The following DHX36 variants were observed in gnomAD, a reference collection of about 807,000 sequenced individuals.
The protein encoded by DHX36 is ATP-dependent DNA/RNA helicase DHX36.
Under a neutral mutation model 139.0 loss-of-function variants are expected in DHX36, and 50 were observed. The observed-to-expected ratio is 0.36, with a 90% CI of 0.29 to 0.46. The LOEUF is 0.46. Ranked by LOEUF, DHX36 falls within the 20% of genes least tolerant of loss-of-function variation. DHX36 has a pLI of 1.00. For missense variants in DHX36, 1,024 were observed against 1,211.3 expected, an observed-to-expected ratio of 0.85 and a Z score of 2.29; for synonymous variants, 425 against 401.9, an observed-to-expected ratio of 1.06 and a Z score of -0.69.
intron 1 of DHX36, among the ~76,000 whole-genome samples, chr3:154,320,062 T>C (rs1713131927): frequency 6.6e-6 from 1 of 152,194 alleles, no homozygotes; most frequent in African/African-American, 2.4e-5. Flanking sequence ...ATCAACGACC[T>C]TGTTGATAAA....
chr3:154,292,095 G>C (rs1711843918), intron 15 of DHX36, among the ~76,000 whole-genome samples: 1 of 152,070 alleles, frequency 6.6e-6, no homozygotes, highest in South Asian at 2.1e-4. Flanking sequence ...AGAAAGCTAT[G>C]GGACTTTGGA....
chr3:154,295,360 A>T (rs751202602), intron 12 of DHX36, 21 bp from the exon 13 acceptor site: 6 of 1,357,806 alleles, frequency 4.4e-6, no homozygotes, highest in Non-Finnish European at 6.1e-6. Context: ...AAGAGAATTA[A>T]ATTTTAAGAT....
intron 22 of DHX36, chr3:154,279,371 A>G (rs1719260595): frequency 6.6e-6 from 1 of 152,198 alleles, no homozygotes; most frequent in South Asian, 2.1e-4. Flanking sequence ...AAAGAAAACT[A>G]CATTTTTTCA....
At position 154,315,072 on chromosome 3, in the gene DHX36, T is replaced by G; in HGVS notation, c.577A>C (p.Asn193His). The G allele has an allele frequency of 6.2e-7, 1 of 1,607,140 alleles. No individual in the cohort carries two copies. The highest frequency in any genetic ancestry group is 8.5e-7 in the Non-Finnish European group (1 of 1,177,542). Residue 193 changes from asparagine to histidine, a missense_variant, in exon 3 of 25, where the codon AAT becomes CAT. Asn to His is a moderately conservative substitution (Grantham distance 68). This residue lies in a region of DHX36 where 293 missense variants were observed against 274.4 expected (regional missense o/e 1.07). Coordinates refer to ENST00000496811, the MANE Select transcript of DHX36 (RefSeq NM_020865.3). ...KLLEDLQKKK[N>H]DLRYIEMQHF... ...TGCATTTCAATATACCGAAGGTCATTTTTTTTCTTTTGTAAATCTTCCAAT... is the reference window on the plus strand; with the variant it reads ...TGCATTTCAATATACCGAAGGTCATGTTTTTTCTTTTGTAAATCTTCCAAT...
intron 8 of DHX36, 95 bp from the exon 9 acceptor site, chr3:154,303,505 T>A: frequency 1.1e-6 from 1 of 885,888 alleles, no homozygotes; most frequent in South Asian, 2.1e-5. Flanking sequence ...TTACTTACTA[T>A]TAATTCCAGA....
intron 17 of DHX36, among the ~76,000 whole-genome samples, chr3:154,287,100 A>T (rs1157335609): frequency 6.6e-6 from 1 of 152,186 alleles, no homozygotes; most frequent in African/African-American, 2.4e-5. Flanking sequence ...AGACACACAA[A>T]TCCACAGACA....
chr3:154,305,944 G>C (rs1462864812), intron 6 of DHX36, among the ~76,000 whole-genome samples: 1 of 152,138 alleles, frequency 6.6e-6, no homozygotes, highest in African/African-American at 2.4e-5. Context: ...TTTTCAGAGA[G>C]AGTAATGGTC....
chr3:154,316,316 C>G (rs367797504), intron 1 of DHX36, among the ~76,000 whole-genome samples, 153 bp from the exon 2 acceptor site: 2 of 151,930 alleles, frequency 1.3e-5, no homozygotes, highest in Non-Finnish European at 2.9e-5. Flanking sequence ...CCCAATACCC[C>G]CCTTCCTAGA....
intron 13 of DHX36, among the ~76,000 whole-genome samples, chr3:154,294,375 A>G (rs572172408): frequency 6.6e-6 from 1 of 152,330 alleles, no homozygotes; most frequent in African/African-American, 2.4e-5. Flanking sequence ...ATCAAGTACC[A>G]CTGGCGATAA....
In DHX36 at chr3:154,324,316, C is replaced by T. The variant is rs772676265; in HGVS notation, c.101G>A (p.Arg34Gln). Residue 34 changes from arginine (R) to glutamine (Q), a missense_variant, in exon 1 of 25, where the codon CGA (arginine) becomes CAA (glutamine). Arg to Gln is a conservative substitution (Grantham distance 43). This residue lies in a region of DHX36 where 293 missense variants were observed against 274.4 expected (regional missense o/e 1.07). Transcript: ENST00000496811. ...GGPAGGHGGN[R>Q]GSGGGGGGGG... ...GCCGCCGCCGCCTCCTCCGGAGCCT[C>T]GGTTACCTCCATGACCCCCTGCTGG... 2.5e-6 allele frequency: 4 copies of T among 1,611,780 alleles called. No homozygotes were observed. The highest frequency in any genetic ancestry group is 3.4e-6 in the Non-Finnish European group (4 of 1,179,008).
intron 1 of DHX36, among the ~76,000 whole-genome samples, chr3:154,317,243 A>C (rs1713022127): frequency 6.6e-6 from 1 of 152,084 alleles, no homozygotes; most frequent in African/African-American, 2.4e-5. Context: ...GTGGTGATGG[A>C]GGTCACAATA....
intron 20 of DHX36, among the ~76,000 whole-genome samples, chr3:154,282,624 T>C (rs1719368186): frequency 6.6e-6 from 1 of 152,110 alleles, no homozygotes. Context: ...GTATGTTAGA[T>C]TTTTTTGTTT....
At chr3:154,317,184 C>A (rs1408057940) in intron 1 of DHX36, among the ~76,000 whole-genome samples, 1 of 151,970 alleles carries the variant, frequency 6.6e-6, no homozygotes. Context: ...TAAGATGAAT[C>A]ATTAAAAGGA....
chr3:154,283,129 G>C, intron 20 of DHX36, 59 bp downstream of exon 20: 2 of 1,290,750 alleles, frequency 1.5e-6, no homozygotes, highest in Admixed American at 1.7e-5. Flanking sequence ...GTACAAAATG[G>C]ATGTATATAT....
intron 10 of DHX36, 41 bp downstream of exon 10, chr3:154,300,946 T>C (rs1204758036): frequency 6.2e-7 from 1 of 1,602,948 alleles, no homozygotes; most frequent in Non-Finnish European, 8.5e-7. Flanking sequence ...TTTTGTTTTA[T>C]TTAGCCACTG....
At chr3:154,282,801 C>T (rs562084313) in intron 20 of DHX36, among the ~76,000 whole-genome samples, 36 of 152,276 alleles carry the variant, frequency 2.4e-4, no homozygotes, top group Non-Finnish European at 3.2e-4. Context: ...CTGTTTTCTT[C>T]TGTTTTACAA....
chr3:154,324,454 G>C lies in DHX36; in HGVS notation c.-38C>G, dbSNP rs1345151076. ...CTACAACCCGTCAGAACCAGCAACCGCTGGAAATGGCGTCCGGGCCCGGAA... is the reference window on the plus strand; with the variant it reads ...CTACAACCCGTCAGAACCAGCAACCCCTGGAAATGGCGTCCGGGCCCGGAA... On this transcript the variant is annotated 5_prime_UTR_variant, in exon 1 of 25. Coordinates refer to ENST00000496811, the MANE Select transcript of DHX36 (RefSeq NM_020865.3). 5 of 1,445,302 alleles carry C rather than the reference G, an allele frequency of 3.5e-6. No homozygotes were observed. The highest frequency in any genetic ancestry group is 2.7e-6 in the Non-Finnish European group (3 of 1,102,278). The allele number at this position is 1,445,302 out of a possible 1,614,324, so 89.5% of individuals were successfully genotyped here.
At chr3:154,300,050 TA>T in intron 11 of DHX36, 125 bp from the exon 12 acceptor site, 1 of 645,744 alleles carries the variant, frequency 1.5e-6, no homozygotes, top group Non-Finnish European at 2.7e-6. Flanking sequence ...CGTTAATAAT[TA>T]AAAGTATATA....
intron 4 of DHX36, among the ~76,000 whole-genome samples, chr3:154,310,825 A>ATATGTG (rs1712727061): frequency 3.5e-5 from 1 of 28,636 alleles, no homozygotes; most frequent in African/African-American, 1.8e-4. Context: ...ATATATATAT[A>ATATGTG]TATATATATA....
Sources: gnomAD v4.1 joint callset for allele counts (sites outside exome capture counted in the v4.1 genomes callset) on GRCh38, gnomAD v4.1.1 for gene constraint, gnomAD v4.1.1 regional missense constraint, MANE v1.5 for transcripts, NCBI Gene and HGNC (gene_info 2026-07-23, HGNC 2026-07-21) for gene names.